KIF13B: variants seen among roughly 807,000 people sequenced by gnomAD.
KIF13B encodes kinesin family member 13B, also known as kinesin-like protein KIF13B.
In KIF13B, 127 loss-of-function variants were observed where a neutral mutation model predicts 222.0. That is an observed-to-expected ratio of 0.57 (90% confidence interval 0.50 to 0.66). The LOEUF (loss-of-function observed/expected upper bound fraction) is 0.66, where lower values mean the gene tolerates loss of function less well. Ranked by LOEUF, KIF13B falls within the 30% of genes least tolerant of loss-of-function variation. KIF13B has a pLI of 0.00. For missense variants in KIF13B, 2,173 were observed against 2,379.0 expected, an observed-to-expected ratio of 0.91 and a Z score of 1.80; for synonymous variants, 976 against 919.0, an observed-to-expected ratio of 1.06 and a Z score of -1.12.
rs926239473 is a variant in KIF13B, at chr8:29,140,557, G to A, written c.2395C>T (p.Leu799Phe). 1.2e-6 allele frequency: 2 copies of A among 1,613,444 alleles called. No homozygotes were observed. The highest frequency in any genetic ancestry group is 1.7e-6 in the Non-Finnish European group (2 of 1,179,536). The part of the protein sequence containing the change: ...PFYDEQENHS[L>F]IGVANVFLES... Reference sequence around the variant, plus strand: ...AGGAAGACATTGGCCACCCCAATGAGACTGTGATTTTCCTGCTCATCATAG... The same window carrying A: ...AGGAAGACATTGGCCACCCCAATGAAACTGTGATTTTCCTGCTCATCATAG... Residue 799 changes from leucine (L) to phenylalanine (F), a missense_variant, in exon 20 of 40, where the codon CTC becomes TTC. By Grantham distance (22) the Leu-to-Phe change is conservative. Around this residue, in one of 2 missense-constraint regions of KIF13B, gnomAD observed 1,480 missense variants for 1,722.8 expected, o/e 0.86. Coordinates refer to ENST00000524189, the MANE Select transcript of KIF13B (RefSeq NM_015254.4).
intron 5 of KIF13B, among the ~76,000 whole-genome samples, chr8:29,187,958 C>T (rs976846781): frequency 3.9e-5 from 6 of 152,160 alleles, no homozygotes; most frequent in Non-Finnish European, 5.9e-5. Flanking sequence ...CTGGAGCTGT[C>T]GCCGCCTGGC....
intron 2 of KIF13B, among the ~76,000 whole-genome samples, chr8:29,209,991 G>A (rs1814142212): frequency 6.6e-6 from 1 of 151,918 alleles, no homozygotes; most frequent in South Asian, 2.1e-4. Flanking sequence ...AGTTGGTCAA[G>A]GCTGCAGTAA....
chr8:29,143,437 C>A (rs1563736888), intron 18 of KIF13B, among the ~76,000 whole-genome samples: 1 of 152,326 alleles, frequency 6.6e-6, no homozygotes, highest in East Asian at 1.9e-4. Flanking sequence ...ATTAATGATA[C>A]CAGTTTCCAA....
At chr8:29,104,382 A>G (rs1808948218) in intron 35 of KIF13B, among the ~76,000 whole-genome samples, 1 of 152,108 alleles carries the variant, frequency 6.6e-6, no homozygotes, top group Non-Finnish European at 1.5e-5. Flanking sequence ...AGGATTCTAG[A>G]GTACCCCTCT....
intron 18 of KIF13B, 88 bp downstream of exon 18, chr8:29,146,290 A>C: frequency 7.4e-7 from 1 of 1,360,534 alleles, no homozygotes; most frequent in Non-Finnish European, 1.1e-6. Flanking sequence ...AGGCACAGAC[A>C]GGGATCTGAA....
intron 35 of KIF13B, among the ~76,000 whole-genome samples, chr8:29,102,668 A>G (rs2133583458): frequency 6.6e-6 from 1 of 152,350 alleles, no homozygotes; most frequent in Non-Finnish European, 1.5e-5. Flanking sequence ...AAGGTAAATA[A>G]CGAGAAGTGC....
chr8:29,198,811 C>T (rs1045873292), intron 2 of KIF13B, among the ~76,000 whole-genome samples: 1 of 152,138 alleles, frequency 6.6e-6, no homozygotes, highest in Non-Finnish European at 1.5e-5. Flanking sequence ...AATGAAGTAA[C>T]TCAGGAATGA....
At chr8:29,253,095 T>A (rs1385576138) in intron 1 of KIF13B, among the ~76,000 whole-genome samples, 1 of 152,092 alleles carries the variant, frequency 6.6e-6, no homozygotes, top group Non-Finnish European at 1.5e-5. Flanking sequence ...CCCCAGCTAC[T>A]TGGGAGTCTG....
chr8:29,177,186 G>A (rs1812517243), intron 9 of KIF13B, among the ~76,000 whole-genome samples: 1 of 151,310 alleles, frequency 6.6e-6, no homozygotes, highest in Non-Finnish European at 1.5e-5. Context: ...AGAAGCCAGG[G>A]ATGCGGCTAG....
At chr8:29,149,956 G>A (rs909940980) in intron 15 of KIF13B, among the ~76,000 whole-genome samples, 8 of 151,734 alleles carry the variant, frequency 5.3e-5, no homozygotes, top group East Asian at 1.9e-4. Flanking sequence ...CTACGTTTCC[G>A]TAAAAAAATA....
intron 1 of KIF13B, among the ~76,000 whole-genome samples, chr8:29,252,846 C>G (rs1816334894): frequency 6.6e-6 from 1 of 151,808 alleles, no homozygotes; most frequent in African/African-American, 2.4e-5. Context: ...GATCTGCTGA[C>G]CCTGGGAGAA....
intron 34 of KIF13B, among the ~76,000 whole-genome samples, chr8:29,108,669 G>C (rs901056687): frequency 6.6e-6 from 1 of 152,164 alleles, no homozygotes; most frequent in Non-Finnish European, 1.5e-5. Flanking sequence ...GACGTTATCC[G>C]CCTTGAGTTA....
chr8:29,195,973 C>T, intron 3 of KIF13B, among the ~76,000 whole-genome samples: 1 of 152,208 alleles, frequency 6.6e-6, no homozygotes, highest in East Asian at 1.9e-4. Flanking sequence ...GGAGACCAGC[C>T]AGAAGTGGTC....
chr8:29,161,108 T>G (rs545181610), intron 12 of KIF13B, among the ~76,000 whole-genome samples: 2 of 152,250 alleles, frequency 1.3e-5, no homozygotes, highest in African/African-American at 2.4e-5. Flanking sequence ...GTACTAGTGA[T>G]TCTCAGTTTT....
At chr8:29,203,350 A>C (rs1213232959) in intron 2 of KIF13B, among the ~76,000 whole-genome samples, 2 of 152,212 alleles carry the variant, frequency 1.3e-5, no homozygotes, top group Non-Finnish European at 2.9e-5. Flanking sequence ...GCTAACTCCT[A>C]TTCATTTATT....
intron 36 of KIF13B, among the ~76,000 whole-genome samples, chr8:29,097,649 A>G (rs1245042346): frequency 6.6e-6 from 1 of 152,224 alleles, no homozygotes; most frequent in Non-Finnish European, 1.5e-5. Context: ...AATCAGAGGG[A>G]AATTTTAAAA....
At chr8:29,165,876 G>T in intron 11 of KIF13B, 104 bp from the exon 12 acceptor site, 1 of 311,262 alleles carries the variant, frequency 3.2e-6, no homozygotes, top group South Asian at 5.5e-5. Context: ...CCTCATGGCT[G>T]AATGTCACGC....
intron 2 of KIF13B, among the ~76,000 whole-genome samples, chr8:29,239,908 G>A (rs781038182): frequency 2.6e-4 from 39 of 151,524 alleles, no homozygotes; most frequent in Non-Finnish European, 5.2e-4. Flanking sequence ...AGTGATCTGC[G>A]TGCCTTGGCC....
chr8:29,196,447 C>G (rs1195743536), intron 2 of KIF13B, among the ~76,000 whole-genome samples: 7 of 152,146 alleles, frequency 4.6e-5, no homozygotes, highest in African/African-American at 9.7e-5. Flanking sequence ...GGACTGAGCA[C>G]AGATAATAAT....
Sources: allele counts gnomAD v4.1 joint callset (sites outside exome capture counted in the v4.1 genomes callset), GRCh38; gene constraint gnomAD v4.1.1; regional missense constraint gnomAD v4.1.1; transcripts MANE v1.5; gene names NCBI Gene and HGNC (gene_info 2026-07-23, HGNC 2026-07-21).